The following NRXN1 variants were observed in gnomAD, a reference collection of about 807,000 sequenced individuals.
NRXN1 encodes the protein neurexin 1, also known as neurexin-1.
In NRXN1, 39 loss-of-function variants were observed where a neutral mutation model predicts 150.9. The observed-to-expected ratio is 0.26, with a 90% CI of 0.20 to 0.34. The LOEUF (loss-of-function observed/expected upper bound fraction) is 0.34. NRXN1 is among the 10% of genes least tolerant of loss of function. The probability of loss-of-function intolerance (pLI) is 1.00; values close to 1 mark genes in which losing one functional copy is unlikely to be tolerated. For synonymous variants in NRXN1, 924 were observed against 757.0 expected (o/e 1.22, Z -3.62); for missense variants, 1,815 against 1,949.9 (o/e 0.93, Z 1.30).
At chr2:50,517,760 C>T (rs1280216884) in intron 12 of NRXN1, among the ~76,000 whole-genome samples, 1 of 152,044 alleles carries the variant, frequency 6.6e-6, no homozygotes, top group African/African-American at 2.4e-5. Context: ...TGGGGGAACT[C>T]AAAACTTACT....
chr2:50,260,629 GTTTTTTTT>G (rs10601394), intron 17 of NRXN1, among the ~76,000 whole-genome samples: 4 of 113,068 alleles, frequency 3.5e-5, no homozygotes, highest in African/African-American at 6.6e-5. Flanking sequence ...TTTTTTTTCC[GTTTTTTTT>G]TTTTTTTTTT....
intron 5 of NRXN1, among the ~76,000 whole-genome samples, chr2:50,721,409 T>C (rs556393762): frequency 6.6e-6 from 1 of 152,322 alleles, no homozygotes; most frequent in East Asian, 1.9e-4. Flanking sequence ...ATAACTACCC[T>C]TTACTAACAA....
At chr2:50,803,592 C>T (rs74783548) in intron 5 of NRXN1, among the ~76,000 whole-genome samples, 37 of 152,162 alleles carry the variant, frequency 2.4e-4, no homozygotes, top group African/African-American at 8.7e-4. Context: ...CTCCTGAGTT[C>T]TCTTCCTTGG....
chr2:50,129,268 C>T (rs1705112855), intron 18 of NRXN1, among the ~76,000 whole-genome samples: 1 of 152,000 alleles, frequency 6.6e-6, no homozygotes, highest in African/African-American at 2.4e-5. Flanking sequence ...TTGATCAAAG[C>T]TCCTATAACT....
At chr2:51,014,163 A>G (rs947518330) in intron 2 of NRXN1, among the ~76,000 whole-genome samples, 6 of 152,058 alleles carry the variant, frequency 3.9e-5, no homozygotes, top group African/African-American at 1.4e-4. Flanking sequence ...GCTGGGATGA[A>G]CAGACCAGGA....
At chr2:50,155,266 G>A (rs1394135641) in intron 18 of NRXN1, among the ~76,000 whole-genome samples, 1 of 151,480 alleles carries the variant, frequency 6.6e-6, no homozygotes, top group East Asian at 1.9e-4. Flanking sequence ...AGTATTCAGG[G>A]AAAATATCTC....
At chr2:50,207,566 T>C (rs2062701867) in intron 18 of NRXN1, 1 of 162,682 alleles carries the variant, frequency 6.1e-6, no homozygotes, top group South Asian at 2.1e-4. Context: ...TTGCAGATGT[T>C]AGATAATTTG....
chr2:50,029,955 T>TATAAA (rs1688944854), intron 21 of NRXN1, among the ~76,000 whole-genome samples: 1 of 151,942 alleles, frequency 6.6e-6, no homozygotes, highest in Non-Finnish European at 1.5e-5. Context: ...CATGCCAAAA[T>TATAAA]ATAAAATAAA....
At chr2:50,055,133 C>T (rs1301162753) in intron 19 of NRXN1, 89 bp from the exon 20 acceptor site, 11 of 821,782 alleles carry the variant, frequency 1.3e-5, no homozygotes, top group Admixed American at 1.2e-4. Context: ...TATACAGTTG[C>T]CACATGATTT....
rs537369072 is a variant in NRXN1, at chr2:50,056,217, A to G, written c.3719-1173T>C. On this transcript the variant is annotated intron_variant, in intron 19 of 22. Coordinates refer to ENST00000401669, the MANE Select transcript of NRXN1 (RefSeq NM_001330078.2). The stretch of plus-strand genomic sequence containing the variant: ...TGGAGTGTTTTGTTAGAGAAGATAA[A>G]TGAATAGATTTACATTTTATTCCTC... 2.6e-5 allele frequency among the ~76,000 whole-genome samples: 4 copies of G among 152,260 alleles called. 1 individual carries two copies. The South Asian group carries it at 8.3e-4, about 32-fold the overall frequency.
intron 5 of NRXN1, among the ~76,000 whole-genome samples, chr2:50,864,733 A>C (rs963713569): frequency 6.6e-6 from 1 of 152,030 alleles, no homozygotes; most frequent in African/African-American, 2.4e-5. Context: ...CCAAATGCCT[A>C]TGTGAACAGA....
intron 5 of NRXN1, among the ~76,000 whole-genome samples, chr2:50,761,883 C>T (rs985068198): frequency 5.3e-5 from 8 of 151,952 alleles, no homozygotes; most frequent in African/African-American, 1.9e-4. Flanking sequence ...TGCCCTCAAA[C>T]ATCAAACTCC....
intron 2 of NRXN1, among the ~76,000 whole-genome samples, chr2:50,958,536 T>G (rs1400406014): frequency 6.6e-6 from 1 of 152,116 alleles, no homozygotes; most frequent in South Asian, 2.1e-4. Context: ...TTATAGAAAG[T>G]CAACTGGTTT....
At chr2:50,583,223 G>C (rs995535574) in intron 8 of NRXN1, among the ~76,000 whole-genome samples, 2 of 151,994 alleles carry the variant, frequency 1.3e-5, no homozygotes, top group African/African-American at 4.8e-5. Context: ...TTTAATTTTA[G>C]TAGAGACAAG....
intron 2 of NRXN1, among the ~76,000 whole-genome samples, chr2:50,989,959 T>C (rs1698301157): frequency 6.6e-6 from 1 of 152,032 alleles, no homozygotes; most frequent in Non-Finnish European, 1.5e-5. Flanking sequence ...TTTAGTTGCT[T>C]GCTCTACATA....
intron 2 of NRXN1, among the ~76,000 whole-genome samples, chr2:50,932,840 A>T (rs1687967798): frequency 1.3e-5 from 2 of 152,274 alleles, no homozygotes; most frequent in African/African-American, 2.4e-5. Context: ...CTGTGAGAAG[A>T]CTGAATGATT....
At chr2:50,702,253 C>A (rs1288949974) in intron 5 of NRXN1, among the ~76,000 whole-genome samples, 1 of 151,928 alleles carries the variant, frequency 6.6e-6, no homozygotes, top group African/African-American at 2.4e-5. Context: ...CATTGAACTC[C>A]TTTTCCAGAT....
chr2:50,996,444 C>CATGT (rs985016552), intron 2 of NRXN1, among the ~76,000 whole-genome samples: 36 of 152,164 alleles, frequency 2.4e-4, no homozygotes, highest in African/African-American at 8.4e-4. Context: ...TTAACTTTTA[C>CATGT]ATGTATGTAT....
intron 17 of NRXN1, among the ~76,000 whole-genome samples, chr2:50,394,301 C>T (rs933010300): frequency 1.3e-5 from 2 of 152,202 alleles, no homozygotes; most frequent in East Asian, 1.9e-4. Flanking sequence ...TGGATGTCCA[C>T]TAGGTATATC....
Sources: allele counts gnomAD v4.1 joint callset (sites outside exome capture counted in the v4.1 genomes callset), GRCh38; gene constraint gnomAD v4.1.1; transcripts MANE v1.5; gene names NCBI Gene and HGNC (gene_info 2026-07-23, HGNC 2026-07-21).